Variants in ASAP1 observed in about 807,000 individuals in gnomAD.
The protein encoded by ASAP1 is ArfGAP with SH3 domain, ankyrin repeat and PH domain 1.
A neutral mutation model predicts 145.2 loss-of-function variants in ASAP1; 43 were observed. The ratio of observed to expected loss-of-function variants is 0.30; its 90% CI spans 0.23 to 0.38. The LOEUF (loss-of-function observed/expected upper bound fraction) is 0.38, where lower values mean the gene tolerates loss of function less well. Ranked by LOEUF, ASAP1 falls within the 10% of genes least tolerant of loss-of-function variation. The probability of loss-of-function intolerance (pLI) is 1.00; values close to 1 mark genes in which losing one functional copy is unlikely to be tolerated. For missense variants in ASAP1, 1,018 were observed against 1,355.3 expected, an observed-to-expected ratio of 0.75 and a Z score of 3.91; for synonymous variants, 546 against 515.5, an observed-to-expected ratio of 1.06 and a Z score of -0.80.
intron 3 of ASAP1, among the ~76,000 whole-genome samples, chr8:130,344,145 A>G (rs1825559089): frequency 6.6e-6 from 1 of 152,240 alleles, no homozygotes; most frequent in Non-Finnish European, 1.5e-5. Flanking sequence ...ACTACGGGAT[A>G]AACCACCACT....
At chr8:130,376,017 C>T (rs1028237577) in intron 2 of ASAP1, among the ~76,000 whole-genome samples, 8 of 152,144 alleles carry the variant, frequency 5.3e-5, no homozygotes, top group East Asian at 1.9e-4. Context: ...CACATTGGCA[C>T]GCCATACACA....
At chr8:130,370,716 G>A (rs755640715) in intron 2 of ASAP1, among the ~76,000 whole-genome samples, 79 of 152,194 alleles carry the variant, frequency 5.2e-4, no homozygotes, top group Non-Finnish European at 1.1e-3. Context: ...ATATTATTCA[G>A]CCATAAAGAG....
intron 2 of ASAP1, among the ~76,000 whole-genome samples, chr8:130,397,237 T>C (rs1828573537): frequency 6.6e-6 from 1 of 151,992 alleles, no homozygotes; most frequent in Non-Finnish European, 1.5e-5. Context: ...GCCTCCCAGG[T>C]TCAAGCAATT....
intron 3 of ASAP1, among the ~76,000 whole-genome samples, chr8:130,345,650 G>A (rs2137978409): frequency 6.6e-6 from 1 of 152,302 alleles, no homozygotes; most frequent in South Asian, 2.1e-4. Flanking sequence ...GTGAGAGTTT[G>A]AAACAGCCTA....
chr8:130,302,361 A>T (rs566338856), intron 3 of ASAP1, among the ~76,000 whole-genome samples: 9 of 152,362 alleles, frequency 5.9e-5, no homozygotes, highest in African/African-American at 2.2e-4. Flanking sequence ...GTTTTTTCAC[A>T]GACACAGAAA....
chr8:130,256,508 T>C (rs1819524908), intron 3 of ASAP1, among the ~76,000 whole-genome samples: 1 of 151,966 alleles, frequency 6.6e-6, no homozygotes, highest in South Asian at 2.1e-4. Flanking sequence ...CCTTGGGGAC[T>C]GTGATAGGTT....
rs569842007 is a variant in ASAP1, at chr8:130,439,727, G to C, written c.-28+3733C>G. Among the ~76,000 whole-genome samples the C allele has an allele frequency of 2.0e-4, 30 of 152,352 alleles. 1 individual carries two copies. Among genetic ancestry groups the C allele is most frequent in the Admixed American group, 1.8e-3 (28 of 15,306 alleles). On this transcript the variant is annotated intron_variant, in intron 1 of 29. Transcript: ENST00000518721. ...TAGCAATTAGCCTGGGAGAGAGGAAGAGCATCCCCCGCAGGGGGAAGAACG... is the reference window on the plus strand; with the variant it reads ...TAGCAATTAGCCTGGGAGAGAGGAACAGCATCCCCCGCAGGGGGAAGAACG...
chr8:130,060,978 T>A lies in ASAP1; in HGVS notation c.2793A>T (p.Pro931=). The change falls in exon 28 of 30, where the codon CCA becomes CCT. Residue 931 remains proline (P), a synonymous_variant. Coordinates refer to ENST00000518721, the MANE Select transcript of ASAP1 (RefSeq NM_018482.4). ...GCAGGTCTCCAGGTGGTGGCTTTTG[T>A]GGCAACTCTGCCAACTGTGATGATT... is the stretch of plus-strand genomic sequence containing the variant. The part of the protein sequence containing the change: ...FQKSSQLAEL[P]QKPPPGDLPP... 1 of 1,590,066 alleles carries A rather than the reference T, an allele frequency of 6.3e-7. No homozygotes were observed. Among genetic ancestry groups the A allele is most frequent in the Non-Finnish European group, 8.5e-7 (1 of 1,170,036 alleles).
chr8:130,146,572 C>G (rs960020715), intron 13 of ASAP1, among the ~76,000 whole-genome samples: 22 of 152,196 alleles, frequency 1.4e-4, no homozygotes, highest in Non-Finnish European at 2.9e-5. Context: ...CCAAGGAGAG[C>G]TCCGAAGGCC....
chr8:130,351,197 A>C (rs927718760), intron 3 of ASAP1, among the ~76,000 whole-genome samples: 2 of 152,274 alleles, frequency 1.3e-5, no homozygotes, highest in African/African-American at 4.8e-5. Context: ...CTGCAAGACA[A>C]AACAAACTGG....
intron 13 of ASAP1, among the ~76,000 whole-genome samples, chr8:130,141,385 G>A (rs534417691): frequency 3.3e-5 from 5 of 152,100 alleles, no homozygotes; most frequent in East Asian, 3.9e-4. Flanking sequence ...GCAGGCCCTC[G>A]GAGAGCTCCC....
intron 3 of ASAP1, among the ~76,000 whole-genome samples, chr8:130,289,819 C>A (rs1821841817): frequency 6.6e-6 from 1 of 152,158 alleles, no homozygotes; most frequent in Admixed American, 6.5e-5. Flanking sequence ...GTTTATTATA[C>A]AACATACCCC....
At chr8:130,303,382 T>C (rs1169253298) in intron 3 of ASAP1, among the ~76,000 whole-genome samples, 1 of 152,162 alleles carries the variant, frequency 6.6e-6, no homozygotes, top group East Asian at 1.9e-4. Flanking sequence ...GGATGACTCT[T>C]TGTTGCGGGG....
At chr8:130,204,497 T>C (rs1228802060) in intron 5 of ASAP1, among the ~76,000 whole-genome samples, 1 of 152,132 alleles carries the variant, frequency 6.6e-6, no homozygotes, top group African/African-American at 2.4e-5. Context: ...TGAGGCTACA[T>C]ACAGATGAGG....
chr8:130,169,790 G>C (rs77586864), intron 9 of ASAP1, among the ~76,000 whole-genome samples: 1,877 of 152,274 alleles, frequency 0.012, 16 homozygotes, highest in Non-Finnish European at 0.019. Context: ...GTAAAACTGA[G>C]GTACAGAGTA....
At chr8:130,317,523 A>C (rs1823738047) in intron 3 of ASAP1, among the ~76,000 whole-genome samples, 1 of 152,196 alleles carries the variant, frequency 6.6e-6, no homozygotes, top group African/African-American at 2.4e-5. Context: ...GTGAATCAGA[A>C]TGAGCCCACG....
At chr8:130,229,888 C>T (rs1817806765) in intron 4 of ASAP1, among the ~76,000 whole-genome samples, 1 of 152,064 alleles carries the variant, frequency 6.6e-6, no homozygotes, top group Non-Finnish European at 1.5e-5. Context: ...CAAACACCAC[C>T]TCCCTCCCAC....
In ASAP1 at chr8:130,342,314, T is replaced by C. The variant is rs373813056; in HGVS notation, c.186+15703A>G. Among the ~76,000 whole-genome samples the C allele has an allele frequency of 2.4e-4, 36 of 152,288 alleles. 1 individual carries two copies. The highest frequency in any genetic ancestry group is 8.4e-4 in the African/African-American group (35 of 41,566). On this transcript the variant is annotated intron_variant, in intron 3 of 29. Coordinates refer to ENST00000518721, the MANE Select transcript of ASAP1 (RefSeq NM_018482.4). ...GTCACTCCTTCCCTCAGTTTTCTCA[T>C]CTGTAAAATGAAGTTAATATTGTTT...
chr8:130,222,345 G>A (rs1452707733), intron 4 of ASAP1, among the ~76,000 whole-genome samples: 2 of 152,120 alleles, frequency 1.3e-5, no homozygotes, highest in East Asian at 1.9e-4. Context: ...GATTCTCAGC[G>A]ACTCTAATTA....
Sources: allele counts gnomAD v4.1 joint callset (sites outside exome capture counted in the v4.1 genomes callset), GRCh38; gene constraint gnomAD v4.1.1; transcripts MANE v1.5; gene names NCBI Gene and HGNC (gene_info 2026-07-23, HGNC 2026-07-21).